Variants in UPF3A observed in about 807,000 individuals in gnomAD.
UPF3A encodes regulator of nonsense transcripts 3A.
Under a neutral mutation model 53.5 loss-of-function variants are expected in UPF3A, and 42 were observed. That is an observed-to-expected ratio of 0.78 (90% CI 0.61 to 1.01). The LOEUF (loss-of-function observed/expected upper bound fraction) is 1.01, where lower values mean the gene tolerates loss of function less well. Ranked by LOEUF, UPF3A falls within the 50% of genes least tolerant of loss-of-function variation. The pLI is 0.00. For synonymous variants in UPF3A, 237 were observed against 225.3 expected, an observed-to-expected ratio of 1.05 and a Z score of -0.47; for missense variants, 575 against 598.0, an observed-to-expected ratio of 0.96 and a Z score of 0.40.
intron 3 of UPF3A, chr13:114,283,763 T>G (rs778485984): frequency 1.3e-4 from 126 of 985,364 alleles, no homozygotes; most frequent in Non-Finnish European, 1.4e-4. Flanking sequence ...TGCTTTCATC[T>G]TTTTCCTTCT....
At chr13:114,293,003 C>G (rs922747323) in intron 7 of UPF3A, among the ~76,000 whole-genome samples, 1 of 141,902 alleles carries the variant, frequency 7.0e-6, no homozygotes, top group Non-Finnish European at 1.5e-5. Flanking sequence ...ACCCAGGGAG[C>G]AGAGGTTGCA....
chr13:114,298,922 G>A lies in UPF3A; in HGVS notation c.929G>A (p.Gly310Asp). 6.2e-7 allele frequency: 1 copy of A among 1,608,640 alleles called. No individual in the cohort carries two copies. Among genetic ancestry groups the A allele is most frequent in the African/African-American group, 1.3e-5 (1 of 74,676 alleles). The change falls in exon 8 of 10, where the codon GGC becomes GAC. Residue 310 changes from glycine to aspartate, a missense_variant. By Grantham distance (94) the Gly-to-Asp change is moderately conservative (BLOSUM62 -1). Transcript: ENST00000375299. Reference protein sequence around the residue: ...ERGEEIDTGGGKQESCAPGAV... With the variant: ...ERGEEIDTGGDKQESCAPGAV... ...GGAGAGGAGATTGATACTGGAGGTG[G>A]CAAGCAGGAATCCTGTGCCCCCGGT...
intron 7 of UPF3A, among the ~76,000 whole-genome samples, chr13:114,294,346 G>A (rs1230862172): frequency 6.6e-6 from 1 of 150,918 alleles, no homozygotes; most frequent in Non-Finnish European, 1.5e-5. Flanking sequence ...ACAGCTCACT[G>A]CAGCCTCTAC....
intron 7 of UPF3A, among the ~76,000 whole-genome samples, chr13:114,294,848 C>T (rs560174554): frequency 6.9e-5 from 10 of 144,940 alleles, no homozygotes; most frequent in East Asian, 4.1e-4. Flanking sequence ...CGCGGTGGCT[C>T]ACACCTGTAA....
intron 8 of UPF3A, among the ~76,000 whole-genome samples, chr13:114,300,646 TCTC>T (rs1424867974): frequency 1.3e-5 from 2 of 152,030 alleles, no homozygotes; most frequent in African/African-American, 4.8e-5. Context: ...TTCGTGCAAT[TCTC>T]CTGCCTCAGC....
intron 3 of UPF3A, chr13:114,284,115 G>A (rs933386710): frequency 5.5e-5 from 54 of 981,182 alleles, no homozygotes; most frequent in Non-Finnish European, 5.8e-5. Flanking sequence ...TGTAATCCCA[G>A]CACTTTAGGA....
At chr13:114,282,673 T>G in intron 2 of UPF3A, 164 bp from the exon 3 acceptor site, 1 of 985,438 alleles carries the variant, frequency 1.0e-6, no homozygotes, top group Non-Finnish European at 1.2e-6. Context: ...CGTTTTGCGT[T>G]TGTTTTTGCT....
chr13:114,291,174 C>G (rs941615927), intron 5 of UPF3A, among the ~76,000 whole-genome samples: 1 of 152,094 alleles, frequency 6.6e-6, no homozygotes, highest in Non-Finnish European at 1.5e-5. Context: ...CGAAAAAGTT[C>G]TCAGAATATG....
chr13:114,301,651 G>C, intron 8 of UPF3A, 80 bp from the exon 9 acceptor site: 1 of 1,461,132 alleles, frequency 6.8e-7, no homozygotes, highest in Non-Finnish European at 9.4e-7. Context: ...CTGTTGTCTG[G>C]GAACCTGTGG....
chr13:114,293,082 A>G (rs2085480212), intron 7 of UPF3A, among the ~76,000 whole-genome samples: 1 of 147,438 alleles, frequency 6.8e-6, no homozygotes. Flanking sequence ...AAAAAAAAAA[A>G]AAAAAAAAAA....
At chr13:114,290,133 G>T (rs2085130997) in intron 5 of UPF3A, among the ~76,000 whole-genome samples, 1 of 152,170 alleles carries the variant, frequency 6.6e-6, no homozygotes, top group Admixed American at 6.5e-5. Flanking sequence ...GTTCTCTGTG[G>T]CAACTGTGTC....
intron 3 of UPF3A, among the ~76,000 whole-genome samples, chr13:114,284,463 G>A (rs1232387399): frequency 2.6e-5 from 4 of 151,462 alleles, no homozygotes; most frequent in East Asian, 3.9e-4. Context: ...TTGGGAGGCC[G>A]AGGAATGTAG....
intron 3 of UPF3A, chr13:114,283,637 T>G: frequency 4.6e-6 from 2 of 439,260 alleles, no homozygotes; most frequent in Non-Finnish European, 3.0e-6. Flanking sequence ...CCTTCATGAC[T>G]GTACCATTTA....
intron 5 of UPF3A, among the ~76,000 whole-genome samples, chr13:114,290,225 G>A (rs1201030808): frequency 6.6e-6 from 1 of 152,130 alleles, no homozygotes; most frequent in Non-Finnish European, 1.5e-5. Flanking sequence ...GGGACAATCG[G>A]CTCTTCCCTA....
chr13:114,292,530 G>A (rs2701321), intron 7 of UPF3A, among the ~76,000 whole-genome samples: 13,825 of 139,924 alleles, frequency 0.099, 805 homozygotes, highest in East Asian at 0.34. Context: ...GGTTCAAGGC[G>A]TACACGTGCA....
chr13:114,285,037 CTG>C (rs1483387283), intron 3 of UPF3A: 1 of 152,240 alleles, frequency 6.6e-6, no homozygotes, highest in Non-Finnish European at 1.5e-5. Flanking sequence ...AGCTTTTCCC[CTG>C]TGTTTTTTTC....
At chr13:114,303,723 T>C (rs1317275151) in intron 9 of UPF3A, among the ~76,000 whole-genome samples, 1 of 151,798 alleles carries the variant, frequency 6.6e-6, no homozygotes, top group African/African-American at 2.4e-5. Flanking sequence ...GAGGCAGAGG[T>C]TGCAGCGAGC....
chr13:114,283,013 C>T (rs770046692), intron 3 of UPF3A, 70 bp downstream of exon 3: 8 of 1,187,612 alleles, frequency 6.7e-6, no homozygotes, highest in East Asian at 2.4e-5. Context: ...CTAGAATATT[C>T]GTGCTTTTTA....
intron 7 of UPF3A, among the ~76,000 whole-genome samples, chr13:114,294,535 C>T (rs572118422): frequency 5.5e-4 from 84 of 152,330 alleles, no homozygotes; most frequent in African/African-American, 1.8e-3. Context: ...AGGCATGAGC[C>T]ACCGTGCGTA....
Sources: allele counts gnomAD v4.1 joint callset (sites outside exome capture counted in the v4.1 genomes callset), GRCh38; gene constraint gnomAD v4.1.1; transcripts MANE v1.5; gene names NCBI Gene and HGNC (gene_info 2026-07-23, HGNC 2026-07-21).